CNTNAP2: variants seen among roughly 807,000 people sequenced by gnomAD.
CNTNAP2 encodes contactin-associated protein-like 2.
A neutral mutation model predicts 155.2 loss-of-function variants in CNTNAP2; 98 were observed. The observed-to-expected ratio is 0.63, with a 90% confidence interval of 0.54 to 0.75. The LOEUF (loss-of-function observed/expected upper bound fraction) is 0.75, where lower values mean the gene tolerates loss of function less well. CNTNAP2 is among the 30% of genes least tolerant of loss of function. The pLI, the probability that CNTNAP2 is intolerant of heterozygous loss-of-function variation, is 0.00. For missense variants in CNTNAP2, 1,727 were observed against 1,688.1 expected, an observed-to-expected ratio of 1.02 and a Z score of -0.40; for synonymous variants, 651 against 631.2, an observed-to-expected ratio of 1.03 and a Z score of -0.47.
chr7:147,070,459 G>A (rs566136803), intron 4 of CNTNAP2, among the ~76,000 whole-genome samples: 49 of 152,204 alleles, frequency 3.2e-4, no homozygotes, highest in African/African-American at 1.2e-3. Flanking sequence ...ACCTAAGAAC[G>A]GATATTCGGG....
chr7:147,386,529 G>T (rs999886228), intron 9 of CNTNAP2, among the ~76,000 whole-genome samples: 1 of 152,052 alleles, frequency 6.6e-6, no homozygotes, highest in African/African-American at 2.4e-5. Context: ...CTAGGGCAGG[G>T]GCAAAATGCC....
At chr7:147,733,419 G>T (rs980306392) in intron 13 of CNTNAP2, among the ~76,000 whole-genome samples, 8 of 152,276 alleles carry the variant, frequency 5.3e-5, no homozygotes, top group Admixed American at 3.9e-4. Flanking sequence ...TTTGGTTACT[G>T]TAGCCTTGTA....
intron 21 of CNTNAP2, among the ~76,000 whole-genome samples, chr7:148,363,724 A>G (rs1446291892): frequency 6.6e-6 from 1 of 152,166 alleles, no homozygotes; most frequent in Non-Finnish European, 1.5e-5. Flanking sequence ...GTGGCATTTG[A>G]GGAGCCCTTC....
chr7:147,093,920 A>C (rs1051908982), intron 4 of CNTNAP2, among the ~76,000 whole-genome samples: 4 of 152,176 alleles, frequency 2.6e-5, no homozygotes, highest in Non-Finnish European at 5.9e-5. Flanking sequence ...AAGAAGAAAA[A>C]GGTAACAGGT....
At chr7:147,646,435 C>T (rs1248040922) in intron 13 of CNTNAP2, among the ~76,000 whole-genome samples, 2 of 152,070 alleles carry the variant, frequency 1.3e-5, no homozygotes, top group African/African-American at 4.8e-5. Context: ...TAAATTTTTT[C>T]TTCCTTGAAA....
chr7:148,332,326 G>A (rs1267841860), intron 21 of CNTNAP2, among the ~76,000 whole-genome samples: 3 of 152,120 alleles, frequency 2.0e-5, no homozygotes, highest in African/African-American at 7.2e-5. Context: ...TGGTTTCTGT[G>A]TGTTCCACCT....
intron 13 of CNTNAP2, among the ~76,000 whole-genome samples, chr7:147,874,710 G>A (rs1015455231): frequency 1.1e-4 from 17 of 152,208 alleles, no homozygotes; most frequent in African/African-American, 3.9e-4. Flanking sequence ...TCCTGCAGTA[G>A]GCTTGAATTT....
chr7:147,008,817 C>A (rs1270107369), intron 3 of CNTNAP2, among the ~76,000 whole-genome samples: 2 of 151,878 alleles, frequency 1.3e-5, no homozygotes, highest in African/African-American at 4.8e-5. Flanking sequence ...TTTCTCTGTA[C>A]CTTGTTGTCT....
chr7:148,026,458 T>C lies in CNTNAP2; in HGVS notation c.2383+48469T>C, dbSNP rs76236058. 2.8e-4 allele frequency among the ~76,000 whole-genome samples: 43 copies of C among 152,126 alleles called. 1 individual carries two copies. In the East Asian group the frequency reaches 6.2e-3, roughly 22 times the overall value. On this transcript the variant is annotated intron_variant, in intron 15 of 23. Coordinates refer to ENST00000361727, the MANE Select transcript of CNTNAP2 (RefSeq NM_014141.6). ...AGAACAAGACCCCGTCTCAAAAATA[T>C]ATATATGTTTTATACTTCTCACTAT...
chr7:146,783,431 A>C (rs1802522969), intron 2 of CNTNAP2, among the ~76,000 whole-genome samples: 1 of 152,166 alleles, frequency 6.6e-6, no homozygotes, highest in African/African-American at 2.4e-5. Flanking sequence ...TTTTTTACTT[A>C]ATTCTCAAAG....
At chr7:147,249,071 C>T (rs942468006) in intron 8 of CNTNAP2, among the ~76,000 whole-genome samples, 3 of 152,118 alleles carry the variant, frequency 2.0e-5, no homozygotes, top group African/African-American at 7.2e-5. Context: ...TTGTACCCAA[C>T]CTAATTAGTT....
intron 1 of CNTNAP2, among the ~76,000 whole-genome samples, chr7:146,759,723 T>A (rs939311496): frequency 1.8e-5 from 1 of 55,000 alleles, no homozygotes; most frequent in Non-Finnish European, 3.8e-5. Flanking sequence ...GTGGGTGGGG[T>A]GGGGTGGGGT....
intron 21 of CNTNAP2, among the ~76,000 whole-genome samples, chr7:148,366,752 G>A (rs1429595000): frequency 6.6e-6 from 1 of 152,134 alleles, no homozygotes; most frequent in Non-Finnish European, 1.5e-5. Context: ...AGATACTTTT[G>A]CAGAAAGGCA....
In CNTNAP2 at chr7:146,553,748, C is replaced by G. The variant is rs150414106; in HGVS notation, c.98-220523C>G. On this transcript the variant is annotated intron_variant, in intron 1 of 23. Transcript: ENST00000361727. ...TCACATAGTGAACATTTCAATGGAA[C>G]ATTCTAAAAATGTTGAGGTTTTGTT... Among the ~76,000 whole-genome samples the G allele has an allele frequency of 4.6e-3, 698 of 151,966 alleles. 4 individuals are homozygous for G. The highest frequency in any genetic ancestry group is 0.016 in the African/African-American group (651 of 41,470).
At position 148,415,790 on chromosome 7, in the gene CNTNAP2, A is replaced by ATGGAATATTCTTGAG; in HGVS notation, c.*174_*175insTGGAATATTCTTGAG. ...TCTTGAGACTGATCACAAAAAAAAA[A>ATGGAATATTCTTGAG]ACCTTTTTAATATTTCTTTATAGCT... On this transcript the variant is annotated 3_prime_UTR_variant, in exon 24 of 24. Coordinates refer to ENST00000361727, the MANE Select transcript of CNTNAP2 (RefSeq NM_014141.6). The ATGGAATATTCTTGAG allele has an allele frequency of 5.7e-6, 4 of 706,268 alleles. No individual in the cohort carries two copies. The highest frequency in any genetic ancestry group is 3.6e-5 in the African/African-American group (2 of 54,822). 43.8% of individuals were successfully genotyped at this position (706,268 alleles called of 1,614,324 possible).
chr7:148,009,089 C>T (rs1031586668), intron 15 of CNTNAP2, among the ~76,000 whole-genome samples: 1 of 152,094 alleles, frequency 6.6e-6, no homozygotes, highest in African/African-American at 2.4e-5. Flanking sequence ...CCCAATAAAT[C>T]CATAGAAAAC....
chr7:146,889,406 G>T (rs993477119), intron 3 of CNTNAP2, among the ~76,000 whole-genome samples: 1 of 152,010 alleles, frequency 6.6e-6, no homozygotes, highest in Non-Finnish European at 1.5e-5. Context: ...TATTAAATTT[G>T]TGGTCTTGGG....
At chr7:147,080,216 GGA>G (rs1214659617) in intron 4 of CNTNAP2, among the ~76,000 whole-genome samples, 1 of 152,064 alleles carries the variant, frequency 6.6e-6, no homozygotes, top group Non-Finnish European at 1.5e-5. Context: ...CACCATGCCT[GGA>G]GGCAATTAAG....
chr7:147,697,215 T>C (rs1796173289), intron 13 of CNTNAP2, among the ~76,000 whole-genome samples: 1 of 152,224 alleles, frequency 6.6e-6, no homozygotes, highest in Non-Finnish European at 1.5e-5. Context: ...TTCCTTAGCA[T>C]TTCTTTTTTG....
Sources: allele counts gnomAD v4.1 joint callset (sites outside exome capture counted in the v4.1 genomes callset), GRCh38; gene constraint gnomAD v4.1.1; transcripts MANE v1.5; gene names NCBI Gene and HGNC (gene_info 2026-07-23, HGNC 2026-07-21).